The following SV2C variants were observed in gnomAD, a reference collection of about 807,000 sequenced individuals.
SV2C encodes synaptic vesicle glycoprotein 2C, also known as solute carrier family 22 member B3.
Under a neutral mutation model 79.7 loss-of-function variants are expected in SV2C, and 49 were observed. The observed-to-expected ratio is 0.61, with a 90% CI of 0.49 to 0.78. The LOEUF is 0.78. SV2C is among the 30% of genes least tolerant of loss of function. The pLI, the probability that SV2C is intolerant of heterozygous loss-of-function variation, is 0.00. For synonymous variants in SV2C, 334 were observed against 333.2 expected (o/e 1.00, Z -0.03); for missense variants, 833 against 912.9 (o/e 0.91, Z 1.13).
the SV2C span, among the ~76,000 whole-genome samples, chr5:76,040,354 C>G: frequency 6.6e-6 from 1 of 152,192 alleles, no homozygotes; most frequent in South Asian, 2.1e-4. Context: ...TCCAGTTCTT[C>G]CAGTGAAACA....
intron 12 of SV2C, among the ~76,000 whole-genome samples, chr5:76,304,332 G>A (rs1748114821): frequency 6.6e-6 from 1 of 152,170 alleles, no homozygotes; most frequent in Admixed American, 6.5e-5. Context: ...AAATATTTCA[G>A]GCTAAAACCT....
At chr5:75,959,246 G>A in the SV2C span, among the ~76,000 whole-genome samples, 11 of 151,980 alleles carry the variant, frequency 7.2e-5, no homozygotes, top group Admixed American at 3.3e-4. Context: ...GGAGTTTAGC[G>A]GGGCAGACTG....
chr5:75,883,776 A>G, the SV2C span, among the ~76,000 whole-genome samples: 34 of 151,262 alleles, frequency 2.2e-4, no homozygotes, highest in East Asian at 6.4e-3. Context: ...AGCCTGGCAC[A>G]TGTATACATA....
intron 2 of SV2C, among the ~76,000 whole-genome samples, chr5:76,155,942 C>CAAA (rs56340029): frequency 5.2e-5 from 3 of 58,068 alleles, no homozygotes; most frequent in African/African-American, 1.4e-4. Context: ...AGGTTTCTCT[C>CAAA]AAAAAAAAAA....
At chr5:76,128,676 A>G (rs76884392) in intron 1 of SV2C, among the ~76,000 whole-genome samples, 6,699 of 152,280 alleles carry the variant, frequency 0.044, 425 homozygotes, top group African/African-American at 0.14. Context: ...AGAATAAAAC[A>G]ATGTACAGGA....
the SV2C span, among the ~76,000 whole-genome samples, chr5:75,903,382 A>ATTTTTT: frequency 9.9e-5 from 15 of 150,984 alleles, no homozygotes; most frequent in African/African-American, 3.2e-4. Context: ...TTTTTTTAAA[A>ATTTTTT]AAAAAAGAAA....
At chr5:76,336,090 G>A (rs566381592), downstream of SV2C, among the ~76,000 whole-genome samples, 2 of 55,816 alleles carry the variant, frequency 3.6e-5, no homozygotes, top group Non-Finnish European at 6.1e-5. Context: ...GCGGCTGGCC[G>A]GGCGGGGGTC....
At chr5:76,297,730 G>C (rs2112517377) in intron 9 of SV2C, among the ~76,000 whole-genome samples, 1 of 152,216 alleles carries the variant, frequency 6.6e-6, no homozygotes, top group South Asian at 2.1e-4. Flanking sequence ...TGTGCATTTT[G>C]AACCAACACA....
chr5:76,231,684 G>A (rs865817057), intron 4 of SV2C, among the ~76,000 whole-genome samples: 23 of 142,174 alleles, frequency 1.6e-4, no homozygotes, highest in Admixed American at 4.7e-4. Flanking sequence ...GAGAATATGC[G>A]GTGTTTGGTG....
chr5:75,905,996 A>G, the SV2C span, among the ~76,000 whole-genome samples: 1 of 150,472 alleles, frequency 6.6e-6, no homozygotes, highest in Non-Finnish European at 1.5e-5. Context: ...ACTCTCATAC[A>G]CAGAGGTGCA....
At chr5:76,065,577 A>T in the SV2C span, among the ~76,000 whole-genome samples, 1 of 152,222 alleles carries the variant, frequency 6.6e-6, no homozygotes, top group African/African-American at 2.4e-5. Flanking sequence ...AGAAATAAGA[A>T]ATAATCTTTA....
At chr5:76,269,327 A>G (rs1746769210) in intron 4 of SV2C, among the ~76,000 whole-genome samples, 1 of 152,202 alleles carries the variant, frequency 6.6e-6, no homozygotes. Flanking sequence ...TTTGAATTCC[A>G]AATAATGGAC....
chr5:76,198,836 A>T (rs1365253089), intron 3 of SV2C, among the ~76,000 whole-genome samples: 1 of 152,158 alleles, frequency 6.6e-6, no homozygotes, highest in Non-Finnish European at 1.5e-5. Flanking sequence ...AAAACATTGT[A>T]ACACCTACTC....
the SV2C span, among the ~76,000 whole-genome samples, chr5:75,957,182 T>G: frequency 6.6e-6 from 1 of 151,956 alleles, no homozygotes. Flanking sequence ...TCCTAAAATT[T>G]TCCTCAACCC....
chr5:76,336,185 G>T (rs575869538), downstream of SV2C, among the ~76,000 whole-genome samples: 1 of 151,542 alleles, frequency 6.6e-6, no homozygotes, highest in African/African-American at 2.4e-5. Flanking sequence ...GGTGGCTGCC[G>T]GGCAGAGACG....
chr5:75,946,760 G>A, the SV2C span, among the ~76,000 whole-genome samples: 1 of 152,050 alleles, frequency 6.6e-6, no homozygotes, highest in African/African-American at 2.4e-5. Flanking sequence ...GGCTGCCAGG[G>A]GGTAGGGTTT....
At chr5:75,885,978 T>TG in the SV2C span, among the ~76,000 whole-genome samples, 1 of 152,140 alleles carries the variant, frequency 6.6e-6, no homozygotes, top group East Asian at 1.9e-4. Context: ...CTCAGTTCCG[T>TG]GGGGAGCTCT....
chr5:76,277,396 G>A (rs924648816), intron 4 of SV2C, among the ~76,000 whole-genome samples: 19 of 152,264 alleles, frequency 1.2e-4, no homozygotes, highest in African/African-American at 3.9e-4. Flanking sequence ...TTTACACAAC[G>A]GAATACTACA....
At chr5:76,078,809 C>T (rs141813767), upstream of SV2C, 3 of 585,498 alleles carry the variant, frequency 5.1e-6, no homozygotes, top group Non-Finnish European at 1.0e-5. Context: ...GGCTAGTTAG[C>T]AACCTACAGA....
Sources: gnomAD v4.1 joint callset for allele counts (sites outside exome capture counted in the v4.1 genomes callset) on GRCh38, gnomAD v4.1.1 for gene constraint, MANE v1.5 for transcripts, NCBI Gene and HGNC (gene_info 2026-07-23, HGNC 2026-07-21) for gene names.